The following PDZRN4 variants were observed in gnomAD, a reference collection of about 807,000 sequenced individuals.
PDZRN4 encodes PDZ domain-containing RING finger protein 4.
A neutral mutation model predicts 99.0 loss-of-function variants in PDZRN4; 70 were observed. That is an observed-to-expected ratio of 0.71 (90% CI 0.58 to 0.86). The LOEUF (loss-of-function observed/expected upper bound fraction) is 0.86. PDZRN4 is among the 40% of genes least tolerant of loss of function. The pLI, the probability that PDZRN4 is intolerant of heterozygous loss-of-function variation, is 0.00. For missense variants in PDZRN4, 1,474 were observed against 1,331.2 expected, an observed-to-expected ratio of 1.11 and a Z score of -1.67; for synonymous variants, 551 against 501.6, an observed-to-expected ratio of 1.10 and a Z score of -1.32.
intron 5 of PDZRN4, among the ~76,000 whole-genome samples, chr12:41,541,149 C>G (rs1325168060): frequency 6.6e-6 from 1 of 152,020 alleles, no homozygotes; most frequent in Non-Finnish European, 1.5e-5. Context: ...CCAGGATGGT[C>G]TTGATCTCCT....
At chr12:41,226,777 A>G (rs182800569) in intron 3 of PDZRN4, among the ~76,000 whole-genome samples, 97 of 152,302 alleles carry the variant, frequency 6.4e-4, no homozygotes, top group African/African-American at 2.3e-3. Flanking sequence ...AAGGCTAGAA[A>G]AACTGTTAAG....
intron 3 of PDZRN4, among the ~76,000 whole-genome samples, chr12:41,423,292 C>T (rs1256108541): frequency 6.6e-6 from 1 of 152,034 alleles, no homozygotes; most frequent in African/African-American, 2.4e-5. Flanking sequence ...CTATCCCTCC[C>T]CTAGTCCCCC....
In PDZRN4 at chr12:41,286,125, G is replaced by A. The variant is rs142649460; in HGVS notation, c.843+91937G>A. On this transcript the variant is annotated intron_variant, in intron 3 of 9. Transcript: ENST00000402685. ...GTAAGGCTGCCCTTCAGTATGGGCA[G>A]ATCAAGAGTTGTCACACTAAGGAGA... Among the ~76,000 whole-genome samples, 404 of 152,158 alleles carry A rather than the reference G, an allele frequency of 2.7e-3. 4 individuals carry two copies. Among genetic ancestry groups the A allele is most frequent in the Admixed American group, 4.1e-3 (63 of 15,272 alleles).
chr12:41,313,444 T>C (rs1951619857), intron 3 of PDZRN4, among the ~76,000 whole-genome samples: 1 of 152,188 alleles, frequency 6.6e-6, no homozygotes, highest in South Asian at 2.1e-4. Context: ...ACCCAGCTTA[T>C]CTCCAGCGGA....
At chr12:41,533,191 T>G (rs1938690844) in intron 5 of PDZRN4, among the ~76,000 whole-genome samples, 1 of 151,840 alleles carries the variant, frequency 6.6e-6, no homozygotes, top group Non-Finnish European at 1.5e-5. Flanking sequence ...TTTTTTTTTT[T>G]TGAGATGGAG....
rs1034449997 is a variant in PDZRN4, at chr12:41,497,458, G to T, written c.844-8998G>T. The stretch of plus-strand genomic sequence containing the variant: ...TGATATGTCACAACTCAGTGAATAG[G>T]TTTATTAATAATCACCTACATCAGT... On this transcript the variant is annotated intron_variant, in intron 3 of 9. Transcript: ENST00000402685. Among the ~76,000 whole-genome samples, 2 of 152,038 alleles carry T rather than the reference G, an allele frequency of 1.3e-5. 1 individual carries two copies. Among genetic ancestry groups the T allele is most frequent in the African/African-American group, 4.8e-5 (2 of 41,394 alleles).
At chr12:41,312,452 G>A (rs762732580) in intron 3 of PDZRN4, among the ~76,000 whole-genome samples, 18 of 152,116 alleles carry the variant, frequency 1.2e-4, no homozygotes, top group Non-Finnish European at 2.2e-4. Flanking sequence ...CTGAGGCTGG[G>A]CGTGTGGCCT....
chr12:41,257,976 A>G (rs1193785662), intron 3 of PDZRN4, among the ~76,000 whole-genome samples: 1 of 152,192 alleles, frequency 6.6e-6, no homozygotes, highest in Non-Finnish European at 1.5e-5. Context: ...CAAACTTTAG[A>G]GTAAGTAATA....
In PDZRN4 at chr12:41,188,392, A is replaced by G; in HGVS notation, c.-64A>G. On this transcript the variant is annotated 5_prime_UTR_variant, in exon 1 of 10. Coordinates refer to ENST00000402685, the MANE Select transcript of PDZRN4 (RefSeq NM_001164595.2). ...CGGCTGCCCCGGGGGTGGCCCGGGGAAGGCAGGGGGGCTCGGAGAAGACGG... is the reference window on the plus strand; with the variant it reads ...CGGCTGCCCCGGGGGTGGCCCGGGGGAGGCAGGGGGGCTCGGAGAAGACGG... 1 of 1,407,246 alleles carries G rather than the reference A, an allele frequency of 7.1e-7. No individual in the cohort carries two copies. Among genetic ancestry groups the G allele is most frequent in the African/African-American group, 1.5e-5 (1 of 67,710 alleles). The allele number at this position is 1,407,246 out of a possible 1,614,324, so 87.2% of individuals were successfully genotyped here.
At position 41,377,833 on chromosome 12, in the gene PDZRN4, A is replaced by G. The variant is rs909180918; in HGVS notation, c.844-128623A>G. On this transcript the variant is annotated intron_variant, in intron 3 of 9. Transcript: ENST00000402685. ...CTATTACTTTTCTATGTTGTTTTGC[A>G]TCTTGCAACTTTAATGAATTCATTT... Among the ~76,000 whole-genome samples, 3 of 152,102 alleles carry G rather than the reference A, an allele frequency of 2.0e-5. No individual in the cohort carries two copies. In the East Asian group the frequency reaches 5.8e-4, roughly 29 times the overall value.
chr12:41,204,926 A>C (rs1950838928), intron 3 of PDZRN4, among the ~76,000 whole-genome samples: 1 of 151,962 alleles, frequency 6.6e-6, no homozygotes, highest in Non-Finnish European at 1.5e-5. Flanking sequence ...AATTTACTTC[A>C]TATGGTTTCT....
chr12:41,389,245 T>C (rs1227138718), intron 3 of PDZRN4, among the ~76,000 whole-genome samples: 1 of 152,176 alleles, frequency 6.6e-6, no homozygotes, highest in Admixed American at 6.6e-5. Flanking sequence ...TATTAATATG[T>C]TCCTAAGTGA....
At chr12:41,378,115 T>C (rs1055708436) in intron 3 of PDZRN4, among the ~76,000 whole-genome samples, 12 of 152,178 alleles carry the variant, frequency 7.9e-5, no homozygotes, top group African/African-American at 2.9e-4. Context: ...TGTGGACTTA[T>C]CATCTATGAC....
At chr12:41,352,339 A>G (rs981113821) in intron 3 of PDZRN4, among the ~76,000 whole-genome samples, 3 of 152,146 alleles carry the variant, frequency 2.0e-5, no homozygotes, top group African/African-American at 7.2e-5. Flanking sequence ...TTTAGATGGA[A>G]CAGACTTAAG....
At chr12:41,311,947 T>C (rs1401839547) in intron 3 of PDZRN4, among the ~76,000 whole-genome samples, 1 of 152,222 alleles carries the variant, frequency 6.6e-6, no homozygotes, top group Non-Finnish European at 1.5e-5. Flanking sequence ...CTTTTTTCTT[T>C]TTCAAAACAA....
At chr12:41,507,974 A>T (rs974110676) in intron 4 of PDZRN4, among the ~76,000 whole-genome samples, 2 of 152,280 alleles carry the variant, frequency 1.3e-5, no homozygotes, top group Middle Eastern at 6.8e-3. Context: ...ACAGCCTAAA[A>T]CATAGTAGCC....
chr12:41,263,013 T>G (rs1425401838), intron 3 of PDZRN4, among the ~76,000 whole-genome samples: 3 of 152,046 alleles, frequency 2.0e-5, no homozygotes, highest in Non-Finnish European at 4.4e-5. Context: ...TATATACTAT[T>G]TAATAAAATT....
At chr12:41,382,263 G>A (rs1240199703) in intron 3 of PDZRN4, among the ~76,000 whole-genome samples, 1 of 152,148 alleles carries the variant, frequency 6.6e-6, no homozygotes, top group African/African-American at 2.4e-5. Flanking sequence ...TGCAGTCTGG[G>A]CTCTATGATT....
chr12:41,243,108 G>A lies in PDZRN4; in HGVS notation c.843+48920G>A, dbSNP rs1172256674. ...GATCAAAAAGTTTTTGAGTGTAGAG[G>A]AAAGCAGAGTTTTCCCCTATGAAAT... On this transcript the variant is annotated intron_variant, in intron 3 of 9. Transcript: ENST00000402685. Among the ~76,000 whole-genome samples, 10 of 152,302 alleles carry A rather than the reference G, an allele frequency of 6.6e-5. No homozygotes were observed. The East Asian group carries it at 1.7e-3, about 26-fold the overall frequency.
Sources: allele counts gnomAD v4.1 joint callset (sites outside exome capture counted in the v4.1 genomes callset), GRCh38; gene constraint gnomAD v4.1.1; transcripts MANE v1.5; gene names NCBI Gene and HGNC (gene_info 2026-07-23, HGNC 2026-07-21).